The following WWOX variants were observed in gnomAD, a reference collection of about 807,000 sequenced individuals.
WWOX encodes the protein WW domain-containing oxidoreductase.
Under a neutral mutation model 46.2 loss-of-function variants are expected in WWOX, and 69 were observed. The ratio of observed to expected loss-of-function variants is 1.49; its 90% CI spans 1.23 to 1.82. The LOEUF (loss-of-function observed/expected upper bound fraction) is 1.82, where lower values mean the gene tolerates loss of function less well. Among genes scored for constraint, WWOX ranks in the 40% most tolerant of loss-of-function variants. The pLI, the probability that WWOX is intolerant of heterozygous loss-of-function variation, is 0.00. For missense variants in WWOX, 919 were observed against 542.6 expected (o/e 1.69, Z -6.89); for synonymous variants, 359 against 202.6 (o/e 1.77, Z -6.56).
intron 8 of WWOX, among the ~76,000 whole-genome samples, chr16:78,662,269 T>A (rs537207782): frequency 2.3e-4 from 35 of 152,286 alleles, no homozygotes; most frequent in Non-Finnish European, 2.8e-4. Context: ...GAAGAATGTT[T>A]TAGTCAGAGG....
In WWOX at chr16:78,280,566, C is replaced by T. The variant is rs568208604; in HGVS notation, c.517-106294C>T. 5.3e-5 allele frequency among the ~76,000 whole-genome samples: 8 copies of T among 150,770 alleles called. 1 individual carries two copies. Among genetic ancestry groups the T allele is most frequent in the African/African-American group, 1.9e-4 (8 of 41,034 alleles). On this transcript the variant is annotated intron_variant, in intron 5 of 8. Transcript: ENST00000566780. ...GGTACAGGAAGCATAGCGGCTTCTG[C>T]TTCTGGGGAGGCCTCAGGAAACTTA...
intron 8 of WWOX, among the ~76,000 whole-genome samples, chr16:78,795,646 T>C (rs1349411055): frequency 3.3e-5 from 5 of 152,216 alleles, no homozygotes; most frequent in African/African-American, 1.2e-4. Flanking sequence ...ATTCTGGCTT[T>C]TGAATTTTTA....
intron 8 of WWOX, among the ~76,000 whole-genome samples, chr16:78,498,981 A>T (rs1451190934): frequency 1.3e-5 from 2 of 152,216 alleles, no homozygotes; most frequent in Non-Finnish European, 2.9e-5. Flanking sequence ...CTCAAGGAAT[A>T]CTTCTGAAGG....
intron 8 of WWOX, among the ~76,000 whole-genome samples, chr16:79,045,305 G>A (rs2048044062): frequency 6.6e-6 from 1 of 152,174 alleles, no homozygotes; most frequent in African/African-American, 2.4e-5. Flanking sequence ...TGGGACATTT[G>A]ACCTACATGG....
chr16:78,157,716 C>G (rs999674632), intron 4 of WWOX, among the ~76,000 whole-genome samples: 4 of 152,200 alleles, frequency 2.6e-5, no homozygotes, highest in Non-Finnish European at 4.4e-5. Flanking sequence ...CATATTCAGA[C>G]AAACGGAATG....
intron 8 of WWOX, among the ~76,000 whole-genome samples, chr16:79,190,197 G>A (rs1194981817): frequency 9.2e-5 from 14 of 151,966 alleles, no homozygotes; most frequent in Admixed American, 9.2e-4. Flanking sequence ...GCTAACTTTT[G>A]TATTTTTAGT....
chr16:78,245,235 A>T (rs909015789), intron 5 of WWOX, among the ~76,000 whole-genome samples: 1 of 152,222 alleles, frequency 6.6e-6, no homozygotes, highest in Non-Finnish European at 1.5e-5. Flanking sequence ...GAATGGGGAC[A>T]TGTTAGTAAA....
intron 5 of WWOX, among the ~76,000 whole-genome samples, chr16:78,296,346 G>A (rs1384009384): frequency 6.6e-6 from 1 of 151,606 alleles, no homozygotes; most frequent in African/African-American, 2.4e-5. Context: ...TCTTATTATT[G>A]TAATCTCCCC....
intron 8 of WWOX, among the ~76,000 whole-genome samples, chr16:78,733,810 C>T (rs1398996434): frequency 2.0e-5 from 3 of 151,560 alleles, no homozygotes; most frequent in East Asian, 2.0e-4. Flanking sequence ...TCATGCCTGC[C>T]ATCCCAGCAC....
chr16:78,584,887 G>A (rs1012887243), intron 8 of WWOX, among the ~76,000 whole-genome samples: 1 of 152,198 alleles, frequency 6.6e-6, no homozygotes, highest in Non-Finnish European at 1.5e-5. Context: ...CAAAACATTT[G>A]AGAGAATTTC....
chr16:78,369,643 T>TA (rs1374484612), intron 5 of WWOX, among the ~76,000 whole-genome samples: 6 of 151,704 alleles, frequency 4.0e-5, no homozygotes, highest in South Asian at 2.1e-4. Flanking sequence ...TACATACTGT[T>TA]ATCCATCCTA....
intron 8 of WWOX, among the ~76,000 whole-genome samples, chr16:78,864,825 T>G (rs1408812624): frequency 7.3e-6 from 1 of 137,026 alleles, no homozygotes; most frequent in African/African-American, 2.8e-5. Context: ...TGCAGTGGTG[T>G]GAACTCGGCT....
At chr16:78,616,605 A>C (rs1342012813) in intron 8 of WWOX, among the ~76,000 whole-genome samples, 2 of 151,806 alleles carry the variant, frequency 1.3e-5, no homozygotes, top group Admixed American at 1.3e-4. Flanking sequence ...CCCTGTCTCT[A>C]CTAAAACTAA....
chr16:78,110,421 G>A (rs1186225882), intron 3 of WWOX, among the ~76,000 whole-genome samples: 2 of 151,200 alleles, frequency 1.3e-5, no homozygotes, highest in East Asian at 3.9e-4. Context: ...TATATTATGA[G>A]CATTTTCTTG....
At chr16:79,168,267 A>G (rs1220974967) in intron 8 of WWOX, among the ~76,000 whole-genome samples, 3 of 152,134 alleles carry the variant, frequency 2.0e-5, no homozygotes, top group African/African-American at 4.8e-5. Flanking sequence ...GCTGGGTCAT[A>G]TGATCAGTCT....
intron 8 of WWOX, among the ~76,000 whole-genome samples, chr16:78,453,172 C>G (rs1438274511): frequency 1.3e-5 from 2 of 152,092 alleles, no homozygotes; most frequent in East Asian, 1.9e-4. Context: ...TTCTGTAATC[C>G]TAGCACTTTG....
chr16:78,352,290 T>C (rs2081201930), intron 5 of WWOX, among the ~76,000 whole-genome samples: 1 of 152,242 alleles, frequency 6.6e-6, no homozygotes, highest in African/African-American at 2.4e-5. Context: ...ATTTTCTCAA[T>C]GTTAGTGACT....
At chr16:78,440,875 T>C (rs2083429608) in intron 8 of WWOX, among the ~76,000 whole-genome samples, 1 of 152,196 alleles carries the variant, frequency 6.6e-6, no homozygotes, top group South Asian at 2.1e-4. Context: ...TGCCTTGGCC[T>C]TCCAAAGTGT....
At chr16:79,137,047 G>C (rs2049995369) in intron 8 of WWOX, among the ~76,000 whole-genome samples, 1 of 152,128 alleles carries the variant, frequency 6.6e-6, no homozygotes, top group Admixed American at 6.5e-5. Flanking sequence ...AAACTGCCAA[G>C]GGTTAGTCGT....
Sources: gnomAD v4.1 joint callset for allele counts (sites outside exome capture counted in the v4.1 genomes callset) on GRCh38, gnomAD v4.1.1 for gene constraint, MANE v1.5 for transcripts, NCBI Gene and HGNC (gene_info 2026-07-23, HGNC 2026-07-21) for gene names.